Variants in LZTFL1 observed in about 807,000 individuals in gnomAD.
The protein encoded by LZTFL1 is leucine zipper transcription factor-like protein 1.
LZTFL1 carries 25 observed loss-of-function variants against 45.9 expected under a neutral mutation model. The ratio of observed to expected loss-of-function variants is 0.54; its 90% CI spans 0.40 to 0.76. The LOEUF is 0.76. Among genes scored for constraint, LZTFL1 ranks in the 30% least tolerant of loss-of-function variants. The probability of loss-of-function intolerance (pLI) is 0.00; values close to 1 mark genes in which losing one functional copy is unlikely to be tolerated. For synonymous variants in LZTFL1, 93 were observed against 117.4 expected (o/e 0.79, Z 1.35); for missense variants, 277 against 331.1 (o/e 0.84, Z 1.27).
intron 2 of LZTFL1, among the ~76,000 whole-genome samples, chr3:45,864,511 T>C (rs979374032): frequency 6.6e-6 from 1 of 152,218 alleles, no homozygotes; most frequent in African/African-American, 2.4e-5. Context: ...AAGATGTGGA[T>C]TTAATATTTG....
Position 45,842,098 on chromosome 3 carries a change from G to T in LZTFL1, c.-107C>A. 6.4e-7 allele frequency: 1 copy of T among 1,560,210 alleles called. No homozygotes were observed. The highest frequency in any genetic ancestry group is 8.6e-7 in the Non-Finnish European group (1 of 1,156,202). On this transcript the variant is annotated 5_prime_UTR_variant, in exon 1 of 10. Transcript: ENST00000296135. ...TGGACCACAGAAAATGGGGAAGGAG[G>T]GTAGGTTGTTTAGAAGCCTCTGGTT... is the stretch of plus-strand genomic sequence containing the variant.
intron 2 of LZTFL1, among the ~76,000 whole-genome samples, chr3:45,897,220 A>C (rs1702383801): frequency 6.6e-6 from 1 of 152,176 alleles, no homozygotes; most frequent in African/African-American, 2.4e-5. Context: ...CAAAACTATG[A>C]GTGTGAGTCA....
At position 45,828,439 on chromosome 3, in the gene LZTFL1, C is replaced by G; in HGVS notation, c.777G>C (p.Lys259Asn). The change falls in exon 8 of 10, where the codon AAG (lysine) becomes AAC (asparagine). Residue 259 changes from lysine (K) to asparagine (N), a missense_variant and splice_region_variant. By Grantham distance (94) the Lys-to-Asn change is moderately conservative. Coordinates refer to ENST00000296135, the MANE Select transcript of LZTFL1 (RefSeq NM_020347.4). ...RVQEQLHMAE[K>N]ELEKKFQQTA... is the part of the protein sequence containing the mutation. The stretch of plus-strand genomic sequence containing the variant: ...AATCCCTTAAACATGGTCTTCTGAC[C>G]TTTTCAGCCATGTGCAGCTGCTCCT... 6.2e-7 allele frequency: 1 copy of G among 1,613,014 alleles called. No individual in the cohort carries two copies. The highest frequency in any genetic ancestry group is 8.5e-7 in the Non-Finnish European group (1 of 1,179,636).
At chr3:45,875,784 TTTG>T (rs1701742030) in intron 2 of LZTFL1, among the ~76,000 whole-genome samples, 1 of 152,238 alleles carries the variant, frequency 6.6e-6, no homozygotes, top group African/African-American at 2.4e-5. Flanking sequence ...ACCAATTTTA[TTTG>T]TTAAGTTTGA....
intron 7 of LZTFL1, among the ~76,000 whole-genome samples, chr3:45,830,322 C>T (rs1700781037): frequency 6.6e-6 from 1 of 152,230 alleles, no homozygotes; most frequent in Non-Finnish European, 1.5e-5. Context: ...ACTGTACATA[C>T]AATGACTTCC....
chr3:45,828,479 T>C lies in LZTFL1; in HGVS notation c.737A>G (p.Asp246Gly), dbSNP rs1158726990. Residue 246 changes from aspartate (D) to glycine (G), a missense_variant, in exon 8 of 10, where the codon GAT (aspartate) becomes GGT (glycine). Asp to Gly is a moderately conservative substitution (Grantham distance 94). Coordinates refer to ENST00000296135, the MANE Select transcript of LZTFL1 (RefSeq NM_020347.4). ...LEENLATAKH[D>G]LLRVQEQLHM... ...CAGCTGCTCCTGAACCCTGAGTAGA[T>C]CGTGCTTGGCTGTCGCCAGATTCTC... The C allele has an allele frequency of 6.2e-7, 1 of 1,614,202 alleles. No homozygotes were observed. The highest frequency in any genetic ancestry group is 8.5e-7 in the Non-Finnish European group (1 of 1,180,022).
intron 2 of LZTFL1, among the ~76,000 whole-genome samples, chr3:45,894,584 A>G (rs1702291657): frequency 6.6e-6 from 1 of 152,216 alleles, no homozygotes; most frequent in South Asian, 2.1e-4. Context: ...GGAAAAATGT[A>G]ACAGCCCACC....
At chr3:45,904,782 C>T (rs1265197990) in intron 2 of LZTFL1, among the ~76,000 whole-genome samples, 9 of 152,250 alleles carry the variant, frequency 5.9e-5, no homozygotes, top group Admixed American at 5.9e-4. Flanking sequence ...AGCTGTCTCA[C>T]ACTTCCAGAT....
intron 4 of LZTFL1, among the ~76,000 whole-genome samples, chr3:45,847,390 C>A (rs192883674): frequency 6.6e-5 from 10 of 152,230 alleles, no homozygotes; most frequent in Admixed American, 2.6e-4. Context: ...ACAGCATTGA[C>A]AATCCTTTCC....
intron 4 of LZTFL1, among the ~76,000 whole-genome samples, chr3:45,849,046 A>G (rs1701267239): frequency 6.6e-6 from 1 of 152,202 alleles, no homozygotes; most frequent in East Asian, 1.9e-4. Context: ...CCCTGTGTCT[A>G]AAGTGTCTAT....
intron 2 of LZTFL1, among the ~76,000 whole-genome samples, chr3:45,893,157 CTT>C (rs57214739): frequency 6.9e-5 from 10 of 145,340 alleles, no homozygotes; most frequent in African/African-American, 1.3e-4. Context: ...CTCTCTCTCT[CTT>C]TTTTTTTTTG....
chr3:45,885,719 C>T (rs7636844), intron 2 of LZTFL1, among the ~76,000 whole-genome samples: 29,691 of 152,188 alleles, frequency 0.2, 3,112 homozygotes, highest in East Asian at 0.28. Flanking sequence ...CTAGTTAACA[C>T]TTAAAACATT....
At chr3:45,909,591 A>T (rs1040839619) in intron 2 of LZTFL1, among the ~76,000 whole-genome samples, 4 of 152,236 alleles carry the variant, frequency 2.6e-5, no homozygotes, top group Admixed American at 2.6e-4. Context: ...TCTTATCCTT[A>T]TAAAGCCCCA....
chr3:45,898,417 T>C (rs1350392043), intron 2 of LZTFL1, among the ~76,000 whole-genome samples: 1 of 152,246 alleles, frequency 6.6e-6, no homozygotes, highest in Non-Finnish European at 1.5e-5. Context: ...TCTCTAAGTG[T>C]AAACTGAAAT....
intron 9 of LZTFL1, 73 bp downstream of exon 9, chr3:45,827,283 C>G: frequency 8.5e-7 from 1 of 1,173,910 alleles, no homozygotes. Context: ...CTCTCTGGAA[C>G]AAGCTTAGAT....
rs1230641484 is a variant in LZTFL1 at position 45,900,365 on chromosome 3, C to T, written c.-215+12755G>A. Among the ~76,000 whole-genome samples the T allele has an allele frequency of 6.6e-6, 1 of 152,104 alleles. No individual in the cohort carries two copies. The highest frequency in any genetic ancestry group is 1.5e-5 in the Non-Finnish European group (1 of 68,026). ...AGATGAGTTTAAGAGCCCTTGCTAA[C>T]CTTTTTAGGGTCAGTGAAAAACTGA... On this transcript the variant is annotated intron_variant, in intron 2 of 4. Transcript: ENST00000472635. This position sits in a 1 kb window ranked among gnomAD's most constrained non-coding sequence, Gnocchi z 4.7.
Position 45,842,057 on chromosome 3 carries a change from G to A in LZTFL1, c.-66C>T. The stretch of plus-strand genomic sequence containing the variant: ...CCAGGCGGTGCCCCGCCAAGCCTGG[G>A]ATCGCCGAGGGTAGTTGGACCACAG... On this transcript the variant is annotated 5_prime_UTR_variant, in exon 1 of 10. Transcript: ENST00000296135. 6 of 1,600,392 alleles carry A rather than the reference G, an allele frequency of 3.7e-6. No individual in the cohort carries two copies. The highest frequency in any genetic ancestry group is 1.3e-5 in the African/African-American group (1 of 74,854).
chr3:45,906,695 AC>A (rs1237799308), intron 2 of LZTFL1, among the ~76,000 whole-genome samples: 1 of 152,124 alleles, frequency 6.6e-6, no homozygotes, highest in Non-Finnish European at 1.5e-5. Flanking sequence ...CCTAGCTGCT[AC>A]CTCTCCCAGG....
At chr3:45,860,972 G>T (rs1485241553) in intron 2 of LZTFL1, among the ~76,000 whole-genome samples, 1 of 151,942 alleles carries the variant, frequency 6.6e-6, no homozygotes, top group Non-Finnish European at 1.5e-5. Flanking sequence ...CCCTCATTTG[G>T]GCATATTTCT....
Sources: gnomAD v4.1 joint callset for allele counts (sites outside exome capture counted in the v4.1 genomes callset) on GRCh38, gnomAD v4.1.1 for gene constraint, Gnocchi (gnomAD v3.1) non-coding constraint, MANE v1.5 for transcripts, NCBI Gene and HGNC (gene_info 2026-07-23, HGNC 2026-07-21) for gene names.